EIF2B3: variants seen among roughly 807,000 people sequenced by gnomAD.
The protein encoded by EIF2B3 is translation initiation factor eIF2B subunit gamma.
Under a neutral mutation model 54.1 loss-of-function variants are expected in EIF2B3, and 20 were observed. That is an observed-to-expected ratio of 0.37 (90% CI 0.26 to 0.54). The LOEUF (loss-of-function observed/expected upper bound fraction) is 0.54, where lower values mean the gene tolerates loss of function less well. Ranked by LOEUF, EIF2B3 falls within the 20% of genes least tolerant of loss-of-function variation. EIF2B3 has a pLI of 0.86. For missense variants in EIF2B3, 448 were observed against 547.8 expected (o/e 0.82, Z 1.82); for synonymous variants, 153 against 188.1 (o/e 0.81, Z 1.52).
intron 3 of EIF2B3, among the ~76,000 whole-genome samples, chr1:44,963,616 T>C (rs368054758): frequency 1.3e-5 from 2 of 152,150 alleles, no homozygotes; most frequent in African/African-American, 4.8e-5. Context: ...GTTAAGAGCC[T>C]AAGTAGCTAC....
chr1:44,939,615 G>A (rs772174365), intron 4 of EIF2B3, among the ~76,000 whole-genome samples: 8 of 151,894 alleles, frequency 5.3e-5, no homozygotes, highest in Admixed American at 1.3e-4. Flanking sequence ...TTATAACATC[G>A]CTTTGTATCC....
intron 1 of EIF2B3, among the ~76,000 whole-genome samples, chr1:44,984,797 CTTTT>C (rs71040529): frequency 5.6e-5 from 5 of 88,576 alleles, no homozygotes; most frequent in East Asian, 8.0e-4. Context: ...TAATGTCCAT[CTTTT>C]TTTTTTTTTT....
chr1:44,876,584 C>A (rs1655162711), intron 8 of EIF2B3, among the ~76,000 whole-genome samples: 1 of 14,272 alleles, frequency 7.0e-5, no homozygotes. Flanking sequence ...GGGGGTCAGC[C>A]CCCCACCCGG....
At chr1:44,896,692 G>A (rs1013931024) in intron 6 of EIF2B3, among the ~76,000 whole-genome samples, 6 of 152,152 alleles carry the variant, frequency 3.9e-5, no homozygotes, top group Non-Finnish European at 7.3e-5. Flanking sequence ...TTCCTTTGAG[G>A]ACTGTAGCTG....
At chr1:44,911,385 T>C (rs548402753) in intron 5 of EIF2B3, among the ~76,000 whole-genome samples, 1 of 152,216 alleles carries the variant, frequency 6.6e-6, no homozygotes. Flanking sequence ...AGGAAACTGA[T>C]AGAAGATCTG....
chr1:44,928,178 C>T (rs1451965135), intron 4 of EIF2B3, among the ~76,000 whole-genome samples: 3 of 151,188 alleles, frequency 2.0e-5, no homozygotes, highest in Non-Finnish European at 2.9e-5. Context: ...GGCATGGTGG[C>T]TCACACCTGT....
intron 10 of EIF2B3, among the ~76,000 whole-genome samples, chr1:44,858,995 G>A (rs960500318): frequency 6.6e-6 from 1 of 152,090 alleles, no homozygotes; most frequent in Admixed American, 6.6e-5. Flanking sequence ...GCATTTAAAT[G>A]TATTTAAAAA....
At chr1:44,930,705 A>G (rs1643889540) in intron 4 of EIF2B3, among the ~76,000 whole-genome samples, 1 of 152,114 alleles carries the variant, frequency 6.6e-6, no homozygotes, top group Non-Finnish European at 1.5e-5. Flanking sequence ...CAGTGGTGCA[A>G]CCTTGGCTCA....
chr1:44,880,974 A>T (rs1569602836), intron 7 of EIF2B3, among the ~76,000 whole-genome samples: 2 of 152,264 alleles, frequency 1.3e-5, no homozygotes, highest in African/African-American at 2.4e-5. Flanking sequence ...AAAATAAAAA[A>T]AAAAAAAGAC....
intron 11 of EIF2B3, among the ~76,000 whole-genome samples, 177 bp downstream of exon 11, chr1:44,857,527 G>GAA (rs200709551): frequency 5.2e-5 from 7 of 135,082 alleles, no homozygotes; most frequent in African/African-American, 5.5e-5. Flanking sequence ...GTGAAACTCC[G>GAA]AAAAAAAAAA....
intron 6 of EIF2B3, among the ~76,000 whole-genome samples, chr1:44,886,010 G>A (rs1323622626): frequency 1.3e-5 from 2 of 151,014 alleles, no homozygotes; most frequent in African/African-American, 4.9e-5. Context: ...CTCCCAAAGT[G>A]CTGGGATTAC....
chr1:44,979,496 A>AG (rs1557715811), intron 2 of EIF2B3, among the ~76,000 whole-genome samples: 2 of 141,298 alleles, frequency 1.4e-5, no homozygotes, highest in African/African-American at 5.3e-5. Context: ...AAAAAAAAAA[A>AG]GGAGGAAAGA....
intron 10 of EIF2B3, among the ~76,000 whole-genome samples, chr1:44,861,790 GTGGAT>G (rs1654615891): frequency 6.6e-6 from 1 of 152,170 alleles, no homozygotes; most frequent in Admixed American, 6.5e-5. Flanking sequence ...CTCCTGGTAA[GTGGAT>G]CTGTGGAAGG....
At chr1:44,926,056 C>T (rs187198328) in intron 5 of EIF2B3, among the ~76,000 whole-genome samples, 57 of 151,808 alleles carry the variant, frequency 3.8e-4, no homozygotes, top group Non-Finnish European at 1.9e-4. Context: ...GGTGAAACTC[C>T]GTCTCTACTA....
At chr1:44,961,963 G>A (rs566879029) in intron 3 of EIF2B3, among the ~76,000 whole-genome samples, 316 of 152,048 alleles carry the variant, frequency 2.1e-3, no homozygotes, top group Non-Finnish European at 3.6e-3. Context: ...AGGCCAAGGC[G>A]GGTGGATCAC....
chr1:44,935,304 A>G (rs1350534253), intron 4 of EIF2B3, among the ~76,000 whole-genome samples: 1 of 152,240 alleles, frequency 6.6e-6, no homozygotes, highest in African/African-American at 2.4e-5. Flanking sequence ...GCAATAAAGC[A>G]ATATAAATAT....
chr1:44,880,052 T>C, intron 7 of EIF2B3, 44 bp from the exon 8 acceptor site: 1,193 of 1,370,134 alleles, frequency 8.7e-4, no homozygotes, highest in Non-Finnish European at 1.1e-3. Context: ...GAGAGAGAGA[T>C]AACAGAACAG....
At chr1:44,914,138 T>C (rs1403052936) in intron 5 of EIF2B3, among the ~76,000 whole-genome samples, 2 of 151,068 alleles carry the variant, frequency 1.3e-5, no homozygotes, top group Non-Finnish European at 2.9e-5. Context: ...CTTACTTGCT[T>C]TTAAAACTTT....
rs772745689 is a variant in EIF2B3, at chr1:44,850,902, C to T, written c.*49G>A. 3 of 1,604,644 alleles carry T rather than the reference C, an allele frequency of 1.9e-6. No individual in the cohort carries two copies. Among genetic ancestry groups the T allele is most frequent in the East Asian group, 2.2e-5 (1 of 44,848 alleles). Reference sequence around the variant, plus strand: ...AGAGTTAAACAGGTGGGCCGGCCAACATCTGTGGCTTTGGAGGCCAAAAGG... The same window carrying T: ...AGAGTTAAACAGGTGGGCCGGCCAATATCTGTGGCTTTGGAGGCCAAAAGG... On this transcript the variant is annotated 3_prime_UTR_variant, in exon 12 of 12. Coordinates refer to ENST00000360403, the MANE Select transcript of EIF2B3 (RefSeq NM_020365.5).
Sources: gnomAD v4.1 joint callset for allele counts (sites outside exome capture counted in the v4.1 genomes callset) on GRCh38, gnomAD v4.1.1 for gene constraint, MANE v1.5 for transcripts, NCBI Gene and HGNC (gene_info 2026-07-23, HGNC 2026-07-21) for gene names.